Variants in ZFAT observed in about 807,000 individuals in gnomAD.
ZFAT encodes zinc finger and AT-hook domain containing.
Under a neutral mutation model 117.7 loss-of-function variants are expected in ZFAT, and 64 were observed. The ratio of observed to expected loss-of-function variants is 0.54; its 90% CI spans 0.44 to 0.67. The LOEUF is 0.67. ZFAT is among the 30% of genes least tolerant of loss of function. The pLI, the probability that ZFAT is intolerant of heterozygous loss-of-function variation, is 0.00. For synonymous variants in ZFAT, 679 were observed against 615.0 expected (o/e 1.10, Z -1.54); for missense variants, 1,433 against 1,584.5 (o/e 0.90, Z 1.62).
chr8:134,597,897 C>A (rs1479697199), intron 7 of ZFAT: 2 of 152,208 alleles, frequency 1.3e-5, no homozygotes, highest in Admixed American at 6.5e-5. Flanking sequence ...CTGAGTCACA[C>A]CCCCTTATTC....
chr8:134,626,257 G>A (rs186839973), intron 3 of ZFAT, among the ~76,000 whole-genome samples: 21 of 152,332 alleles, frequency 1.4e-4, no homozygotes, highest in African/African-American at 9.6e-5. Context: ...AAGCAGGGGA[G>A]CGTGGAGAAT....
rs1023027461 is a variant in ZFAT at position 134,588,387 on chromosome 8, T to C, written c.2572A>G (p.Met858Val). The part of the protein sequence containing the change: ...HIKTNHPEVS[M>V]STISEVLGRR... ...CCGAGAACCTCAGAAATGGTGCTCA[T>C]GGAGACCTCTAGAAGAAAAGCAGGA... The change falls in exon 9 of 16, where the codon ATG becomes GTG. Residue 858 changes from methionine (M) to valine (V), a missense_variant. Coordinates refer to ENST00000377838, the MANE Select transcript of ZFAT (RefSeq NM_020863.4). 8 of 1,583,496 alleles carry C rather than the reference T, an allele frequency of 5.1e-6. No homozygotes were observed. The African/African-American group carries it at 9.5e-5, about 19-fold the overall frequency.
chr8:134,492,007 T>G (rs1818087924), intron 15 of ZFAT, among the ~76,000 whole-genome samples: 1 of 148,226 alleles, frequency 6.7e-6, no homozygotes, highest in Non-Finnish European at 1.5e-5. Flanking sequence ...CACTAGAGTT[T>G]TTTTGTTTTT....
chr8:134,815,021 A>G, the ZFAT span, among the ~76,000 whole-genome samples: 1 of 152,230 alleles, frequency 6.6e-6, no homozygotes, highest in East Asian at 1.9e-4. Context: ...TCCCTCTTCT[A>G]TAAAGGAAAA....
chr8:134,606,611 G>A (rs762431262), intron 5 of ZFAT, among the ~76,000 whole-genome samples: 2 of 151,938 alleles, frequency 1.3e-5, no homozygotes, highest in Non-Finnish European at 2.9e-5. Flanking sequence ...AGCTACTCAG[G>A]AGGCTGAGGC....
intron 11 of ZFAT, among the ~76,000 whole-genome samples, chr8:134,554,313 C>T (rs994315294): frequency 1.3e-5 from 2 of 152,210 alleles, no homozygotes; most frequent in Non-Finnish European, 2.9e-5. Flanking sequence ...CAAGAGACCA[C>T]TGATCTCACA....
intron 2 of ZFAT, among the ~76,000 whole-genome samples, chr8:134,654,439 A>C (rs1831469639): frequency 6.6e-6 from 1 of 152,226 alleles, no homozygotes; most frequent in African/African-American, 2.4e-5. Flanking sequence ...AAGTTTTACA[A>C]GTGTGGGTTC....
intron 1 of ZFAT, among the ~76,000 whole-genome samples, chr8:134,667,775 T>G (rs1586920880): frequency 6.6e-6 from 1 of 151,932 alleles, no homozygotes; most frequent in Non-Finnish European, 1.5e-5. Context: ...GGACAGTAGG[T>G]GCAGCCCACT....
At chr8:134,534,680 A>C (rs1821691340) in intron 11 of ZFAT, among the ~76,000 whole-genome samples, 1 of 142,452 alleles carries the variant, frequency 7.0e-6, no homozygotes, top group African/African-American at 2.6e-5. Context: ...AGAGAGGAGG[A>C]GAGAGAGGGG....
At chr8:134,731,233 A>T in the ZFAT span, among the ~76,000 whole-genome samples, 1 of 151,854 alleles carries the variant, frequency 6.6e-6, no homozygotes, top group Non-Finnish European at 1.5e-5. Flanking sequence ...CAACAATTCC[A>T]CTCCTAGGAA....
intron 11 of ZFAT, among the ~76,000 whole-genome samples, chr8:134,544,582 T>C (rs1822551641): frequency 6.6e-6 from 1 of 151,674 alleles, no homozygotes; most frequent in African/African-American, 2.4e-5. Flanking sequence ...AAAGAATTCC[T>C]GAAGACAAGA....
intron 11 of ZFAT, among the ~76,000 whole-genome samples, chr8:134,559,100 C>G (rs955661018): frequency 6.6e-6 from 1 of 152,136 alleles, no homozygotes; most frequent in African/African-American, 2.4e-5. Flanking sequence ...TTATTTACTA[C>G]GTTGCTGTTT....
chr8:134,493,614 G>C (rs1818213166), intron 15 of ZFAT, among the ~76,000 whole-genome samples: 1 of 152,272 alleles, frequency 6.6e-6, no homozygotes, highest in Non-Finnish European at 1.5e-5. Flanking sequence ...ATGGTAGAGA[G>C]AGTGCATGGG....
Position 134,712,893 on chromosome 8 carries a change from G to C in ZFAT, c.-30C>G, listed in dbSNP as rs745699571. 1.6e-4 allele frequency: 217 copies of C among 1,351,110 alleles called. No homozygotes were observed. The highest frequency in any genetic ancestry group is 4.3e-4 in the Middle Eastern group (2 of 4,650). The allele number at this position is 1,351,110 out of a possible 1,614,324, so 83.7% of individuals were successfully genotyped here. ...ACGCCCCACCGCGGAGGAAAAAAAA[G>C]CCTCGGGCTCTTCCGGGCCCCCTCC... On this transcript the variant is annotated 5_prime_UTR_variant, in exon 1 of 16. Transcript: ENST00000377838.
At chr8:134,645,444 C>A (rs1226657583) in intron 2 of ZFAT, among the ~76,000 whole-genome samples, 1 of 152,072 alleles carries the variant, frequency 6.6e-6, no homozygotes, top group Non-Finnish European at 1.5e-5. Context: ...GGAATTCATG[C>A]TTTTTAAAAT....
chr8:134,745,208 G>A, the ZFAT span, among the ~76,000 whole-genome samples: 1 of 152,144 alleles, frequency 6.6e-6, no homozygotes, highest in East Asian at 1.9e-4. Flanking sequence ...TGAGGGAAGG[G>A]AATCATATGG....
the ZFAT span, among the ~76,000 whole-genome samples, chr8:134,811,552 T>G: frequency 6.6e-6 from 1 of 152,218 alleles, no homozygotes; most frequent in Non-Finnish European, 1.5e-5. Flanking sequence ...AGGACAGGCA[T>G]GTCTGTTTCT....
chr8:134,554,396 CAAG>C (rs956930788), intron 11 of ZFAT, among the ~76,000 whole-genome samples: 2 of 152,198 alleles, frequency 1.3e-5, no homozygotes, highest in African/African-American at 4.8e-5. Flanking sequence ...TAGAAAAAGA[CAAG>C]AGGTGGATAG....
chr8:134,602,558 G>C lies in ZFAT; in HGVS notation c.1161C>G (p.Ala387=), dbSNP rs1586796038. The C allele has an allele frequency of 1.2e-6, 2 of 1,614,074 alleles. No homozygotes were observed. Among genetic ancestry groups the C allele is most frequent in the East Asian group, 4.5e-5 (2 of 44,886 alleles). ...TCGTCATCAGGCAGAGCTCGTCCAAGGCCTCTTTGACCTTCTTGTCCTGTG... is the reference window on the plus strand; with the variant it reads ...TCGTCATCAGGCAGAGCTCGTCCAACGCCTCTTTGACCTTCTTGTCCTGTG... ...HDPQDKKVKE[A]LDELCLMTRE... Residue 387 remains alanine, a synonymous_variant, in exon 6 of 16, where the codon GCC becomes GCG. Coordinates refer to ENST00000377838, the MANE Select transcript of ZFAT (RefSeq NM_020863.4).
Sources: allele counts gnomAD v4.1 joint callset (sites outside exome capture counted in the v4.1 genomes callset), GRCh38; gene constraint gnomAD v4.1.1; transcripts MANE v1.5; gene names NCBI Gene and HGNC (gene_info 2026-07-23, HGNC 2026-07-21).